DTNB: variants seen among roughly 807,000 people sequenced by gnomAD.
DTNB encodes the protein dystrobrevin beta.
In DTNB, 63 loss-of-function variants were observed where a neutral mutation model predicts 90.7. That is an observed-to-expected ratio of 0.69 (90% CI 0.57 to 0.86). The LOEUF is 0.86. Among genes scored for constraint, DTNB ranks in the 40% least tolerant of loss-of-function variants. DTNB has a pLI of 0.00. For missense variants in DTNB, 744 were observed against 807.1 expected, an observed-to-expected ratio of 0.92 and a Z score of 0.95; for synonymous variants, 277 against 286.7, an observed-to-expected ratio of 0.97 and a Z score of 0.34.
chr2:25,607,830 G>A (rs2067471501), intron 4 of DTNB, among the ~76,000 whole-genome samples: 1 of 152,030 alleles, frequency 6.6e-6, no homozygotes, highest in African/African-American at 2.4e-5. Flanking sequence ...ATGTTACCAC[G>A]TGTTTATTCT....
intron 20 of DTNB, 92 bp from the exon 21 acceptor site, chr2:25,377,645 G>A (rs1238454304): frequency 2.6e-5 from 4 of 152,600 alleles, no homozygotes; most frequent in African/African-American, 9.6e-5. Flanking sequence ...AGGCCCTGCA[G>A]GGAGGGGCTG....
At chr2:25,634,442 AGCCCCCCGCCCG>A (rs2076666617) in intron 3 of DTNB, among the ~76,000 whole-genome samples, 1 of 146,770 alleles carries the variant, frequency 6.8e-6, no homozygotes, top group Non-Finnish European at 1.5e-5. Flanking sequence ...TGGGGGGGTC[AGCCCCCCGCCCG>A]GCCAGTCGCC....
intron 2 of DTNB, among the ~76,000 whole-genome samples, chr2:25,641,719 T>C (rs1382339079): frequency 1.3e-5 from 2 of 152,234 alleles, no homozygotes; most frequent in African/African-American, 4.8e-5. Flanking sequence ...TGAAGAAAAA[T>C]GCAACCTCAG....
At chr2:25,487,662 A>G (rs560702774) in intron 9 of DTNB, among the ~76,000 whole-genome samples, 1 of 152,292 alleles carries the variant, frequency 6.6e-6, no homozygotes, top group South Asian at 2.1e-4. Context: ...CTCAGAGAGG[A>G]GGCATCGTTG....
At chr2:25,548,447 T>C (rs1227445970) in intron 8 of DTNB, among the ~76,000 whole-genome samples, 1 of 152,028 alleles carries the variant, frequency 6.6e-6, no homozygotes, top group African/African-American at 2.4e-5. Flanking sequence ...TAATTTCCAA[T>C]TTTACTGCAT....
intron 19 of DTNB, among the ~76,000 whole-genome samples, chr2:25,382,128 A>G (rs2037974683): frequency 6.6e-6 from 1 of 152,204 alleles, no homozygotes; most frequent in Non-Finnish European, 1.5e-5. Flanking sequence ...AGCCTTGTTC[A>G]GAATTCCTCC....
chr2:25,470,008 C>T (rs774025519), intron 10 of DTNB, among the ~76,000 whole-genome samples: 31 of 152,296 alleles, frequency 2.0e-4, no homozygotes, highest in Admixed American at 1.8e-3. Flanking sequence ...GAGACCAGAT[C>T]GCCCCAAGAA....
intron 1 of DTNB, among the ~76,000 whole-genome samples, chr2:25,667,692 T>C (rs2084810702): frequency 6.6e-6 from 1 of 152,224 alleles, no homozygotes; most frequent in Non-Finnish European, 1.5e-5. Flanking sequence ...TACAGTCACT[T>C]TGAAAGATAG....
At chr2:25,560,658 A>T (rs2058117393) in intron 8 of DTNB, among the ~76,000 whole-genome samples, 1 of 152,174 alleles carries the variant, frequency 6.6e-6, no homozygotes, top group African/African-American at 2.4e-5. Context: ...CACCCCGCAG[A>T]TCTTGGGACT....
At chr2:25,490,381 AATTTAC>A (rs2067146246) in intron 9 of DTNB, among the ~76,000 whole-genome samples, 1 of 152,164 alleles carries the variant, frequency 6.6e-6, no homozygotes, top group Non-Finnish European at 1.5e-5. Flanking sequence ...ACAGGTCCTT[AATTTAC>A]TACTAGTCAA....
In DTNB at chr2:25,387,294, T is replaced by G. The variant is rs778567463; in HGVS notation, c.1820A>C (p.His607Pro). The G allele has an allele frequency of 1.2e-6, 2 of 1,610,174 alleles. No homozygotes were observed. The highest frequency in any genetic ancestry group is 1.7e-6 in the Non-Finnish European group (2 of 1,178,436). ...NTMSSLVKELHSAEEGAEEEE... is the reference protein window; with the variant it reads ...NTMSSLVKELPSAEEGAEEEE... ...CTGGGAGCTCTGGGTTTCACCTGAATGGAGCTCCTTCACCAGGGATGACAT... is the reference window on the plus strand; with the variant it reads ...CTGGGAGCTCTGGGTTTCACCTGAAGGGAGCTCCTTCACCAGGGATGACAT... Residue 607 changes from histidine to proline, a missense_variant, in exon 18 of 21, where the codon CAT becomes CCT. Physicochemically the swap from His to Pro is moderately conservative, Grantham distance 77. Transcript: ENST00000406818. The surrounding 1 kb of genome is among the most constrained non-coding windows in gnomAD (Gnocchi z 4.5).
chr2:25,633,556 C>T (rs2076271628), intron 3 of DTNB, among the ~76,000 whole-genome samples: 1 of 152,104 alleles, frequency 6.6e-6, no homozygotes, highest in Non-Finnish European at 1.5e-5. Context: ...CCCCAAAGTG[C>T]CAAGATTGCA....
At chr2:25,412,447 A>G (rs183661773) in intron 16 of DTNB, among the ~76,000 whole-genome samples, 1 of 152,296 alleles carries the variant, frequency 6.6e-6, no homozygotes, top group African/African-American at 2.4e-5. Flanking sequence ...TGCCAGGTAT[A>G]TTATCCTTTG....
At chr2:25,555,315 A>AAG (rs2057134132) in intron 8 of DTNB, among the ~76,000 whole-genome samples, 1 of 151,364 alleles carries the variant, frequency 6.6e-6, no homozygotes, top group African/African-American at 2.4e-5. Context: ...AAAAACAAAA[A>AAG]GGTCTGAAGC....
At chr2:25,486,217 C>T (rs2066096321) in intron 9 of DTNB, among the ~76,000 whole-genome samples, 1 of 152,148 alleles carries the variant, frequency 6.6e-6, no homozygotes, top group South Asian at 2.1e-4. Flanking sequence ...AAAACTAGCA[C>T]TTTGGGAGGC....
chr2:25,408,621 C>T (rs983880063), intron 16 of DTNB, among the ~76,000 whole-genome samples: 2 of 148,978 alleles, frequency 1.3e-5, no homozygotes, highest in African/African-American at 2.5e-5. Flanking sequence ...TAGCCTTCTA[C>T]TTTTCTTTTT....
intron 8 of DTNB, among the ~76,000 whole-genome samples, chr2:25,568,028 C>T (rs1418001540): frequency 6.6e-6 from 1 of 151,946 alleles, no homozygotes; most frequent in Admixed American, 6.6e-5. Context: ...CATGGTGGTA[C>T]GCGCCTGTAG....
At chr2:25,501,254 C>T (rs1232604415) in intron 9 of DTNB, among the ~76,000 whole-genome samples, 1 of 151,942 alleles carries the variant, frequency 6.6e-6, no homozygotes, top group Non-Finnish European at 1.5e-5. Context: ...ACTCTGTCAC[C>T]TAGGCTTGAG....
chr2:25,669,157 T>A (rs1161228247), intron 1 of DTNB, among the ~76,000 whole-genome samples: 1 of 152,160 alleles, frequency 6.6e-6, no homozygotes, highest in Non-Finnish European at 1.5e-5. Flanking sequence ...GTACAGAGTT[T>A]CAGTTGGGGA....
Sources: allele counts gnomAD v4.1 joint callset (sites outside exome capture counted in the v4.1 genomes callset), GRCh38; gene constraint gnomAD v4.1.1; non-coding constraint Gnocchi (gnomAD v3.1); transcripts MANE v1.5; gene names NCBI Gene and HGNC (gene_info 2026-07-23, HGNC 2026-07-21).